MAN1A2: variants seen among roughly 807,000 people sequenced by gnomAD.
MAN1A2 encodes the protein mannosidase alpha class 1A member 2.
A neutral mutation model predicts 75.7 loss-of-function variants in MAN1A2; 26 were observed. The ratio of observed to expected loss-of-function variants is 0.34; its 90% CI spans 0.25 to 0.48. MAN1A2 has a LOEUF of 0.48. Among genes scored for constraint, MAN1A2 ranks in the 20% least tolerant of loss-of-function variants. MAN1A2 has a pLI of 0.99. For synonymous variants in MAN1A2, 247 were observed against 264.6 expected, an observed-to-expected ratio of 0.93 and a Z score of 0.65; for missense variants, 562 against 775.5, an observed-to-expected ratio of 0.72 and a Z score of 3.27.
chr1:117,450,901 C>T (rs1649391653), intron 6 of MAN1A2, among the ~76,000 whole-genome samples: 1 of 152,194 alleles, frequency 6.6e-6, no homozygotes, highest in African/African-American at 2.4e-5. Context: ...CATGGAGAAC[C>T]TCTGCTAGGG....
Position 117,368,312 on chromosome 1 carries a change from T to C in MAN1A2, c.129T>C (p.Leu43=). ...LSEKFILLLI[L]SAFITLCFGA... ...AGAAGTTTATTCTTCTCCTTATTCT[T>C]AGTGCCTTCATCACTCTGTGTTTTG... Residue 43 remains leucine, a synonymous_variant, in exon 1 of 13, where the codon CTT becomes CTC. Transcript: ENST00000356554. The C allele has an allele frequency of 6.2e-7, 1 of 1,614,204 alleles. No homozygotes were observed. The highest frequency in any genetic ancestry group is 8.5e-7 in the Non-Finnish European group (1 of 1,180,034).
chr1:117,398,417 T>A (rs1281761446), intron 1 of MAN1A2, among the ~76,000 whole-genome samples: 1 of 152,144 alleles, frequency 6.6e-6, no homozygotes, highest in African/African-American at 2.4e-5. Context: ...CTCATGCCTG[T>A]AATCCCAGCA....
chr1:117,520,817 A>T (rs1262173480), intron 12 of MAN1A2, among the ~76,000 whole-genome samples: 1 of 151,978 alleles, frequency 6.6e-6, no homozygotes, highest in Non-Finnish European at 1.5e-5. Context: ...TAGAAAAAAC[A>T]TCCTAAAATT....
intron 8 of MAN1A2, among the ~76,000 whole-genome samples, chr1:117,472,852 A>G (rs1650204620): frequency 6.6e-6 from 1 of 151,896 alleles, no homozygotes; most frequent in African/African-American, 2.4e-5. Flanking sequence ...ATCAGCTATC[A>G]TTAGCGTTAG....
chr1:117,453,346 T>C (rs954530358), intron 6 of MAN1A2, among the ~76,000 whole-genome samples: 1 of 152,192 alleles, frequency 6.6e-6, no homozygotes, highest in African/African-American at 2.4e-5. Flanking sequence ...AAATGGAAAA[T>C]CTTCTGGAAA....
intron 12 of MAN1A2, among the ~76,000 whole-genome samples, chr1:117,504,866 A>G (rs1228927940): frequency 6.6e-6 from 1 of 151,440 alleles, no homozygotes; most frequent in Non-Finnish European, 1.5e-5. Context: ...TTTAGGTTAA[A>G]CATTTTCAGC....
At chr1:117,438,503 T>C (rs1648923716) in intron 5 of MAN1A2, among the ~76,000 whole-genome samples, 1 of 152,194 alleles carries the variant, frequency 6.6e-6, no homozygotes. Context: ...AAGTGTACAG[T>C]GTTTAAATCT....
At chr1:117,474,068 T>C (rs1650242938) in intron 8 of MAN1A2, among the ~76,000 whole-genome samples, 1 of 151,966 alleles carries the variant, frequency 6.6e-6, no homozygotes, top group African/African-American at 2.4e-5. Context: ...GACCCACAGT[T>C]GATGTTTAAC....
intron 12 of MAN1A2, among the ~76,000 whole-genome samples, chr1:117,508,932 A>G (rs547756380): frequency 8.6e-5 from 13 of 151,826 alleles, no homozygotes; most frequent in African/African-American, 3.1e-4. Context: ...ATTTTGAAAA[A>G]AATAGGCTGG....
At position 117,407,331 on chromosome 1, in the gene MAN1A2, T is replaced by G. The variant is rs910563229; in HGVS notation, c.655+1686T>G. ...TTTCCTACTTACTCTGTTTCTTTTGTGTATCTCAAATTCTTGCCAGTAAGT... is the reference window on the plus strand; with the variant it reads ...TTTCCTACTTACTCTGTTTCTTTTGGGTATCTCAAATTCTTGCCAGTAAGT... On this transcript the variant is annotated intron_variant, in intron 3 of 12. Transcript: ENST00000356554. 3.7e-4 allele frequency among the ~76,000 whole-genome samples: 56 copies of G among 152,180 alleles called. 2 individuals carry two copies. Among genetic ancestry groups the G allele is most frequent in the Non-Finnish European group, 1.5e-5 (1 of 68,022 alleles).
intron 6 of MAN1A2, among the ~76,000 whole-genome samples, chr1:117,451,352 A>C (rs1237338887): frequency 6.6e-6 from 1 of 152,210 alleles, no homozygotes; most frequent in Non-Finnish European, 1.5e-5. Flanking sequence ...AACTAACTTG[A>C]TTTTGACTTT....
intron 6 of MAN1A2, among the ~76,000 whole-genome samples, chr1:117,455,822 C>T (rs1268274228): frequency 3.3e-5 from 5 of 151,044 alleles, no homozygotes; most frequent in Non-Finnish European, 4.4e-5. Flanking sequence ...TTTTTCAGTG[C>T]CATTTAAATT....
chr1:117,463,158 TAA>T (rs1275617703), intron 7 of MAN1A2, among the ~76,000 whole-genome samples: 3 of 151,142 alleles, frequency 2.0e-5, no homozygotes, highest in African/African-American at 7.3e-5. Flanking sequence ...ATAAAAATAT[TAA>T]AGACAGTACA....
At chr1:117,480,588 A>G (rs1650465637) in intron 8 of MAN1A2, among the ~76,000 whole-genome samples, 1 of 151,720 alleles carries the variant, frequency 6.6e-6, no homozygotes, top group Non-Finnish European at 1.5e-5. Context: ...CCTCCTATTT[A>G]CTGGGCATTC....
chr1:117,423,580 C>T (rs1648264937), intron 5 of MAN1A2, among the ~76,000 whole-genome samples: 1 of 151,960 alleles, frequency 6.6e-6, no homozygotes, highest in Admixed American at 6.6e-5. Context: ...TAAATTTATA[C>T]ATATTTCATG....
At chr1:117,514,568 C>T (rs1651653860) in intron 12 of MAN1A2, among the ~76,000 whole-genome samples, 1 of 152,122 alleles carries the variant, frequency 6.6e-6, no homozygotes, top group Admixed American at 6.6e-5. Flanking sequence ...GCACAGTTAG[C>T]TAGCTATCAG....
At chr1:117,497,975 CT>C in intron 10 of MAN1A2, among the ~76,000 whole-genome samples, 1 of 151,940 alleles carries the variant, frequency 6.6e-6, no homozygotes, top group Non-Finnish European at 1.5e-5. Flanking sequence ...AAAATTTATG[CT>C]AGTTCATAAA....
At chr1:117,479,728 G>C (rs916902154) in intron 8 of MAN1A2, among the ~76,000 whole-genome samples, 1 of 151,814 alleles carries the variant, frequency 6.6e-6, no homozygotes, top group African/African-American at 2.4e-5. Flanking sequence ...TTGATCAATT[G>C]ATCAGTTTGG....
intron 6 of MAN1A2, among the ~76,000 whole-genome samples, chr1:117,459,143 AG>A (rs1349731213): frequency 6.6e-6 from 1 of 152,198 alleles, no homozygotes; most frequent in African/African-American, 2.4e-5. Flanking sequence ...AGAGCAATAG[AG>A]GCCATATCTA....
Sources: gnomAD v4.1 joint callset for allele counts (sites outside exome capture counted in the v4.1 genomes callset) on GRCh38, gnomAD v4.1.1 for gene constraint, MANE v1.5 for transcripts, NCBI Gene and HGNC (gene_info 2026-07-23, HGNC 2026-07-21) for gene names.